Variants in GPT2 observed in about 807,000 individuals in gnomAD.
The protein encoded by GPT2 is glutamic--pyruvic transaminase 2.
In GPT2, 30 loss-of-function variants were observed where a neutral mutation model predicts 56.9. The ratio of observed to expected loss-of-function variants is 0.53; its 90% CI spans 0.39 to 0.72. GPT2 has a LOEUF of 0.72. Among genes scored for constraint, GPT2 ranks in the 30% least tolerant of loss-of-function variants. The pLI is 0.00. For synonymous variants in GPT2, 271 were observed against 283.1 expected, an observed-to-expected ratio of 0.96 and a Z score of 0.43; for missense variants, 542 against 703.4, an observed-to-expected ratio of 0.77 and a Z score of 2.60.
At chr16:46,897,082 TAATA>T (rs952201017) in intron 2 of GPT2, among the ~76,000 whole-genome samples, 1 of 152,078 alleles carries the variant, frequency 6.6e-6, no homozygotes, top group African/African-American at 2.4e-5. Flanking sequence ...TAACAATAAG[TAATA>T]AATAAAATTA....
chr16:46,898,695 A>C (rs1479176864), intron 3 of GPT2, among the ~76,000 whole-genome samples: 4 of 148,896 alleles, frequency 2.7e-5, no homozygotes, highest in Admixed American at 2.7e-4. Flanking sequence ...GATTACAGGC[A>C]TGCACCACCA....
At chr16:46,894,285 C>T (rs1229147695) in intron 2 of GPT2, among the ~76,000 whole-genome samples, 1 of 152,196 alleles carries the variant, frequency 6.6e-6, no homozygotes, top group Non-Finnish European at 1.5e-5. Context: ...TGGCCCAGGG[C>T]CCACAGCTGT....
chr16:46,920,076 T>G (rs1356995427), intron 8 of GPT2, among the ~76,000 whole-genome samples: 1 of 152,124 alleles, frequency 6.6e-6, no homozygotes, highest in East Asian at 1.9e-4. Flanking sequence ...CCAGGTTTGG[T>G]GGTGCGCGCT....
At chr16:46,906,120 C>G (rs1024528032) in intron 4 of GPT2, among the ~76,000 whole-genome samples, 4 of 152,036 alleles carry the variant, frequency 2.6e-5, no homozygotes, top group African/African-American at 4.8e-5. Flanking sequence ...TCACTCCAGG[C>G]TGGAGTGCAG....
intron 2 of GPT2, among the ~76,000 whole-genome samples, chr16:46,896,002 C>A (rs1443821041): frequency 6.6e-6 from 1 of 152,204 alleles, no homozygotes; most frequent in African/African-American, 2.4e-5. Context: ...CAGCTGGAGA[C>A]AGGACAAAGG....
At position 46,884,962 on chromosome 16, in the gene GPT2, A is replaced by G; in HGVS notation, c.243+4A>G. The G allele has an allele frequency of 6.7e-7, 1 of 1,493,764 alleles. No individual in the cohort carries two copies. The highest frequency in any genetic ancestry group is 9.0e-7 in the Non-Finnish European group (1 of 1,115,494). The allele number at this position is 1,493,764 out of a possible 1,614,324, so 92.5% of individuals were successfully genotyped here. ...GATCGAGCTCGAGCTGCAGCGGGTG[A>G]GCGCGCGCTGGGCCCCGGGGAGGCT... On this transcript the variant is annotated splice_donor_region_variant and intron_variant, in intron 2 of 11. Coordinates refer to ENST00000340124, the MANE Select transcript of GPT2 (RefSeq NM_133443.4).
chr16:46,913,758 GTA>G (rs996728944), intron 6 of GPT2, among the ~76,000 whole-genome samples: 1 of 151,834 alleles, frequency 6.6e-6, no homozygotes, highest in Non-Finnish European at 1.5e-5. Flanking sequence ...ATATATGTAT[GTA>G]TATATATATG....
At chr16:46,888,747 T>C (rs1160337753) in intron 2 of GPT2, among the ~76,000 whole-genome samples, 1 of 152,158 alleles carries the variant, frequency 6.6e-6, no homozygotes, top group African/African-American at 2.4e-5. Context: ...ACTCCTGGGC[T>C]CAAGCCATCC....
Position 46,928,897 on chromosome 16 carries a change from C to A in GPT2, c.1482-10C>A. On this transcript the variant is annotated splice_polypyrimidine_tract_variant and intron_variant, in intron 11 of 11. Coordinates refer to ENST00000340124, the MANE Select transcript of GPT2 (RefSeq NM_133443.4). ...AGCAGCCAGGCTGACACTGTTGTCT[C>A]TCCTGCCAGGATGACTATCCTCCCT... 1 of 1,609,542 alleles carries A rather than the reference C, an allele frequency of 6.2e-7. No homozygotes were observed. The highest frequency in any genetic ancestry group is 8.5e-7 in the Non-Finnish European group (1 of 1,175,852).
chr16:46,885,378 T>C, intron 2 of GPT2: 1 of 770,110 alleles, frequency 1.3e-6, no homozygotes, highest in Non-Finnish European at 1.6e-6. Flanking sequence ...GGGAAACCAT[T>C]TTAGGTAGGA....
chr16:46,895,449 C>T (rs576583335), intron 2 of GPT2, among the ~76,000 whole-genome samples: 2 of 151,562 alleles, frequency 1.3e-5, no homozygotes, highest in South Asian at 4.2e-4. Context: ...TGCTTGAACC[C>T]GGGAGGTGGA....
chr16:46,916,679 A>G lies in GPT2; in HGVS notation c.872A>G (p.Glu291Gly), dbSNP rs1961174190. 1.2e-6 allele frequency: 2 copies of G among 1,613,638 alleles called. No homozygotes were observed. The highest frequency in any genetic ancestry group is 4.5e-5 in the East Asian group (2 of 44,880). Reference protein sequence around the residue: ...CIEDVIHFAWEEKLFLLADEV... With the variant: ...CIEDVIHFAWGEKLFLLADEV... ...GAAGATGTGATCCACTTTGCCTGGG[A>G]AGAGAAGCTCTTTCTCCTGGCTGAT... Residue 291 changes from glutamate to glycine, a missense_variant, in exon 7 of 12, where the codon GAA becomes GGA. Transcript: ENST00000340124.
chr16:46,884,591 T>C (rs1464348252), intron 1 of GPT2, 103 bp from the exon 2 acceptor site: 4 of 1,213,148 alleles, frequency 3.3e-6, no homozygotes, highest in Non-Finnish European at 4.2e-6. Context: ...GAAGCCAGGC[T>C]GGCACCGCTC....
intron 10 of GPT2, among the ~76,000 whole-genome samples, chr16:46,925,796 C>T (rs867622059): frequency 6.6e-6 from 1 of 151,920 alleles, no homozygotes; most frequent in Admixed American, 6.6e-5. Context: ...TGCACTCCAG[C>T]CTGGGCGAGA....
intron 8 of GPT2, among the ~76,000 whole-genome samples, chr16:46,921,431 C>A (rs1961284696): frequency 6.6e-6 from 1 of 152,132 alleles, no homozygotes; most frequent in African/African-American, 2.4e-5. Flanking sequence ...CCTCGGCCTC[C>A]CAAAGTGCTG....
chr16:46,930,845 G>C lies in GPT2; in HGVS notation c.*1848G>C, dbSNP rs1000294038. On this transcript the variant is annotated 3_prime_UTR_variant, in exon 12 of 12. Transcript: ENST00000340124. ...TTACACAGTTTTTTAAAAAGAGACT[G>C]TATACACTTGATTTGCTTTCAAAAT... 2 of 152,610 alleles carry C rather than the reference G, an allele frequency of 1.3e-5. No homozygotes were observed. The highest frequency in any genetic ancestry group is 2.9e-5 in the Non-Finnish European group (2 of 68,034). 9.5% of individuals were successfully genotyped at this position (152,610 alleles called of 1,614,324 possible).
chr16:46,884,642 G>A, intron 1 of GPT2, 52 bp from the exon 2 acceptor site: 2 of 1,333,216 alleles, frequency 1.5e-6, no homozygotes, highest in Non-Finnish European at 1.9e-6. Flanking sequence ...GGGGAGTGCT[G>A]CACGCCTGGG....
At chr16:46,900,956 C>T (rs1170939884) in intron 4 of GPT2, among the ~76,000 whole-genome samples, 166 bp downstream of exon 4, 1 of 152,214 alleles carries the variant, frequency 6.6e-6, no homozygotes, top group Non-Finnish European at 1.5e-5. Context: ...CCACTCACAC[C>T]TTGCTGGCCT....
intron 2 of GPT2, among the ~76,000 whole-genome samples, chr16:46,889,711 A>G (rs886697743): frequency 2.0e-5 from 3 of 152,236 alleles, no homozygotes; most frequent in African/African-American, 7.2e-5. Flanking sequence ...CTCTTCTGCA[A>G]AATGTGACCA....
Sources: gnomAD v4.1 joint callset for allele counts (sites outside exome capture counted in the v4.1 genomes callset) on GRCh38, gnomAD v4.1.1 for gene constraint, MANE v1.5 for transcripts, NCBI Gene and HGNC (gene_info 2026-07-23, HGNC 2026-07-21) for gene names.